The following OPCML variants were observed in gnomAD, a reference collection of about 807,000 sequenced individuals.
OPCML encodes opioid binding protein/cell adhesion molecule like, also known as opioid-binding protein/cell adhesion molecule.
In OPCML, 13 loss-of-function variants were observed where a neutral mutation model predicts 37.8. The observed-to-expected ratio is 0.34, with a 90% CI of 0.22 to 0.55. The LOEUF is 0.55. Ranked by LOEUF, OPCML falls within the 20% of genes least tolerant of loss-of-function variation. The pLI is 0.91. For missense variants in OPCML, 341 were observed against 435.6 expected (o/e 0.78, Z 1.93); for synonymous variants, 176 against 168.8 (o/e 1.04, Z -0.33).
In OPCML at chr11:133,114,611, T is replaced by G. The variant is rs567060163; in HGVS notation, c.62-171601A>C. 2.6e-5 allele frequency among the ~76,000 whole-genome samples: 4 copies of G among 152,294 alleles called. No homozygotes were observed. In the South Asian group the frequency reaches 8.3e-4, roughly 32 times the overall value. On this transcript the variant is annotated intron_variant, in intron 1 of 7. Coordinates refer to ENST00000524381, the MANE Select transcript of OPCML (RefSeq NM_001012393.5). The stretch of plus-strand genomic sequence containing the variant: ...CTCATCCTATTCTCAGTAAAATACA[T>G]GGCCTAACTGCTCCCCTCCATTTTC...
intron 3 of OPCML, among the ~76,000 whole-genome samples, chr11:132,570,820 G>GAGAGAGAGAGAGA (rs1245612388): frequency 5.7e-4 from 70 of 123,692 alleles, no homozygotes; most frequent in Non-Finnish European, 7.0e-4. Flanking sequence ...GAGAGAGAGA[G>GAGAGAGAGAGAGA]GATATATACT....
intron 4 of OPCML, among the ~76,000 whole-genome samples, chr11:132,490,690 G>A (rs577064777): frequency 1.3e-5 from 2 of 152,022 alleles, no homozygotes; most frequent in Non-Finnish European, 2.9e-5. Context: ...GTGGTGGCGG[G>A]CGCCTGTGGT....
At position 133,177,657 on chromosome 11, in the gene OPCML, G is replaced by A. The variant is rs1937627592; in HGVS notation, c.62-234647C>T. ...GCCCCATGGTGCAATTCCCTCAAAG[G>A]GCAAGACTTCTCAGAAGCATCCAGT... On this transcript the variant is annotated intron_variant, in intron 1 of 7. Transcript: ENST00000524381. The surrounding 1 kb of genome is among the most constrained non-coding windows in gnomAD (Gnocchi z 5.0). Among the ~76,000 whole-genome samples the A allele has an allele frequency of 6.6e-6, 1 of 152,038 alleles. No individual in the cohort carries two copies. Among genetic ancestry groups the A allele is most frequent in the African/African-American group, 2.4e-5 (1 of 41,384 alleles).
intron 1 of OPCML, among the ~76,000 whole-genome samples, chr11:133,029,065 G>A (rs776447884): frequency 1.3e-5 from 2 of 152,084 alleles, no homozygotes; most frequent in Non-Finnish European, 2.9e-5. Flanking sequence ...GACATGAACA[G>A]ACACTTCTTT....
chr11:132,429,556 C>T (rs371439679), intron 7 of OPCML, among the ~76,000 whole-genome samples: 10 of 152,138 alleles, frequency 6.6e-5, no homozygotes, highest in African/African-American at 1.9e-4. Context: ...GCGTTCCCAG[C>T]GGAGAAGGGC....
chr11:132,568,079 C>T (rs563187857), intron 3 of OPCML, among the ~76,000 whole-genome samples: 1 of 150,804 alleles, frequency 6.6e-6, no homozygotes, highest in East Asian at 2.0e-4. Flanking sequence ...TTTGATTAGT[C>T]AAGGTGAAAA....
At chr11:132,737,670 C>T (rs1945306126) in intron 2 of OPCML, among the ~76,000 whole-genome samples, 1 of 152,116 alleles carries the variant, frequency 6.6e-6, no homozygotes, top group African/African-American at 2.4e-5. Context: ...GTGTAGAGAG[C>T]TTCCTTCTAC....
At chr11:133,428,357 C>T (rs1946047257) in intron 1 of OPCML, among the ~76,000 whole-genome samples, 1 of 152,096 alleles carries the variant, frequency 6.6e-6, no homozygotes, top group Non-Finnish European at 1.5e-5. Context: ...TACTACCATT[C>T]AATACTCTGC....
At chr11:132,922,998 T>C (rs1251958857) in intron 2 of OPCML, among the ~76,000 whole-genome samples, 1 of 151,670 alleles carries the variant, frequency 6.6e-6, no homozygotes, top group Non-Finnish European at 1.5e-5. Context: ...CGCTTGAGCC[T>C]GGGAAGTCAA....
intron 1 of OPCML, among the ~76,000 whole-genome samples, chr11:133,034,031 T>G (rs1393058254): frequency 1.3e-5 from 2 of 152,208 alleles, no homozygotes; most frequent in African/African-American, 4.8e-5. Context: ...ATGACTTAGT[T>G]GCGATGGAAA....
At chr11:132,750,668 T>C (rs943655736) in intron 2 of OPCML, among the ~76,000 whole-genome samples, 19 of 152,140 alleles carry the variant, frequency 1.2e-4, no homozygotes, top group African/African-American at 4.3e-4. Context: ...GAATATTCTG[T>C]ACAAATCCAC....
chr11:133,232,373 C>A (rs1027294595), intron 1 of OPCML, among the ~76,000 whole-genome samples: 4 of 152,184 alleles, frequency 2.6e-5, no homozygotes, highest in African/African-American at 9.7e-5. Flanking sequence ...ATAAAATCTC[C>A]CAGTTTCTGT....
At chr11:133,187,221 T>C (rs1036888788) in intron 1 of OPCML, among the ~76,000 whole-genome samples, 8 of 152,156 alleles carry the variant, frequency 5.3e-5, no homozygotes, top group African/African-American at 1.9e-4. Flanking sequence ...GGTGCTCAGA[T>C]GTGATCTGCA....
In OPCML at chr11:132,866,238, A is replaced by C. The variant is rs141294454; in HGVS notation, c.146+76688T>G. Among the ~76,000 whole-genome samples, 168 of 152,380 alleles carry C rather than the reference A, an allele frequency of 1.1e-3. 1 individual carries two copies. Among genetic ancestry groups the C allele is most frequent in the African/African-American group, 3.9e-3 (162 of 41,586 alleles). On this transcript the variant is annotated intron_variant, in intron 2 of 7. Transcript: ENST00000524381. ...ACATAAATTGTTTCATTCCTGAGGA[A>C]ACTGAGGCAGAAAAAAAGTCAAGCC...
At chr11:132,515,415 T>C (rs1023205356) in intron 4 of OPCML, among the ~76,000 whole-genome samples, 1 of 152,178 alleles carries the variant, frequency 6.6e-6, no homozygotes, top group Non-Finnish European at 1.5e-5. Context: ...AGTTGGGCTA[T>C]ACTTTAGGTG....
chr11:133,076,826 G>A (rs1227187774), intron 1 of OPCML, among the ~76,000 whole-genome samples: 1 of 152,062 alleles, frequency 6.6e-6, no homozygotes, highest in Non-Finnish European at 1.5e-5. Context: ...GACCCCACTA[G>A]GAATCTTCTG....
intron 4 of OPCML, among the ~76,000 whole-genome samples, chr11:132,479,726 CA>C (rs924044122): frequency 2.6e-4 from 39 of 152,282 alleles, no homozygotes; most frequent in Admixed American, 1.4e-3. Context: ...CCCTGACCCC[CA>C]AGCAGCCTAA....
At chr11:133,109,041 T>C (rs546422741) in intron 1 of OPCML, among the ~76,000 whole-genome samples, 2 of 152,322 alleles carry the variant, frequency 1.3e-5, no homozygotes, top group African/African-American at 2.4e-5. Flanking sequence ...TTAATGTCTT[T>C]ACTGGGTTTC....
chr11:132,570,198 T>G (rs1165800834), intron 3 of OPCML, among the ~76,000 whole-genome samples: 2 of 152,220 alleles, frequency 1.3e-5, no homozygotes, highest in Non-Finnish European at 2.9e-5. Context: ...TGAAATACAG[T>G]CACATTCATA....
Sources: allele counts gnomAD v4.1 joint callset (sites outside exome capture counted in the v4.1 genomes callset), GRCh38; gene constraint gnomAD v4.1.1; non-coding constraint Gnocchi (gnomAD v3.1); transcripts MANE v1.5; gene names NCBI Gene and HGNC (gene_info 2026-07-23, HGNC 2026-07-21).